TNFSF4: variants seen among roughly 807,000 people sequenced by gnomAD.
TNFSF4 encodes TNF superfamily member 4, also known as tumor necrosis factor ligand superfamily member 4.
In TNFSF4, 4 loss-of-function variants were observed where a neutral mutation model predicts 7.3. The observed-to-expected ratio is 0.55, with a 90% CI of 0.27 to 1.25. TNFSF4 has a LOEUF of 1.25. Ranked by LOEUF, TNFSF4 falls within the 50% of genes most tolerant of loss-of-function variation. The pLI is 0.12. For missense variants in TNFSF4, 181 were observed against 208.8 expected (o/e 0.87, Z 0.82); for synonymous variants, 76 against 83.7 (o/e 0.91, Z 0.50).
At chr1:173,178,110 A>G in the TNFSF4 span, among the ~76,000 whole-genome samples, 1 of 152,166 alleles carries the variant, frequency 6.6e-6, no homozygotes, top group Admixed American at 6.5e-5. Flanking sequence ...TATACCCATT[A>G]TATATCATAA....
At chr1:173,209,989 C>T (rs1352693332), upstream of TNFSF4, among the ~76,000 whole-genome samples, 1 of 151,792 alleles carries the variant, frequency 6.6e-6, no homozygotes, top group Admixed American at 6.6e-5. Flanking sequence ...GCTTTGACCA[C>T]TCACAAGATA....
chr1:173,332,890 C>T, the TNFSF4 span, among the ~76,000 whole-genome samples: 3 of 152,138 alleles, frequency 2.0e-5, no homozygotes, highest in Non-Finnish European at 2.9e-5. Flanking sequence ...TGCACATCCA[C>T]CTGCTTTCCA....
At chr1:173,212,543 G>A in the TNFSF4 span, among the ~76,000 whole-genome samples, 5 of 151,494 alleles carry the variant, frequency 3.3e-5, no homozygotes, top group African/African-American at 1.2e-4. Flanking sequence ...CTATTTCACG[G>A]GGAGGAGGGA....
chr1:173,337,120 G>A, the TNFSF4 span, among the ~76,000 whole-genome samples: 4 of 152,174 alleles, frequency 2.6e-5, no homozygotes, highest in Non-Finnish European at 4.4e-5. Flanking sequence ...TGACAGATAG[G>A]AATCCTGTTT....
the TNFSF4 span, among the ~76,000 whole-genome samples, chr1:173,424,488 CTA>C: frequency 7.2e-5 from 11 of 152,108 alleles, no homozygotes; most frequent in Non-Finnish European, 5.9e-5. Context: ...CAATGTGATT[CTA>C]TGAGTTCTTA....
chr1:173,235,780 T>G, the TNFSF4 span, among the ~76,000 whole-genome samples: 2 of 152,212 alleles, frequency 1.3e-5, no homozygotes, highest in Non-Finnish European at 2.9e-5. Context: ...CAACGTGAGA[T>G]CTCAACAAAT....
the TNFSF4 span, among the ~76,000 whole-genome samples, chr1:173,214,609 C>T: frequency 6.6e-6 from 1 of 152,206 alleles, no homozygotes; most frequent in Non-Finnish European, 1.5e-5. Context: ...AAAAATGTCT[C>T]ATAATGTTTT....
the TNFSF4 span, among the ~76,000 whole-genome samples, chr1:173,254,343 CA>C: frequency 1.3e-5 from 2 of 151,948 alleles, no homozygotes; most frequent in East Asian, 3.9e-4. Context: ...AACAAGGAAA[CA>C]AAATAGTAGG....
the TNFSF4 span, among the ~76,000 whole-genome samples, chr1:173,267,185 G>C: frequency 6.6e-6 from 1 of 152,074 alleles, no homozygotes; most frequent in African/African-American, 2.4e-5. Flanking sequence ...AATAGAGCTT[G>C]GGCTTAACCT....
At chr1:173,277,057 G>T in the TNFSF4 span, among the ~76,000 whole-genome samples, 2 of 152,124 alleles carry the variant, frequency 1.3e-5, no homozygotes, top group African/African-American at 2.4e-5. Flanking sequence ...CCAGGTGTCT[G>T]TAAGGCCAGC....
At chr1:173,277,091 G>A in the TNFSF4 span, among the ~76,000 whole-genome samples, 1 of 152,116 alleles carries the variant, frequency 6.6e-6, no homozygotes, top group Non-Finnish European at 1.5e-5. Context: ...CCTTCTCTTT[G>A]AACCCATTCA....
At chr1:173,267,801 G>T in the TNFSF4 span, among the ~76,000 whole-genome samples, 1 of 151,900 alleles carries the variant, frequency 6.6e-6, no homozygotes, top group African/African-American at 2.4e-5. Flanking sequence ...AGAGGAGGTG[G>T]ATGGAGGGAA....
the TNFSF4 span, among the ~76,000 whole-genome samples, chr1:173,257,783 C>T: frequency 1.3e-5 from 2 of 152,120 alleles, no homozygotes; most frequent in South Asian, 4.1e-4. Flanking sequence ...GAGAGGCTCA[C>T]CCAAGCTTTG....
the TNFSF4 span, among the ~76,000 whole-genome samples, chr1:173,255,665 A>T: frequency 6.6e-6 from 1 of 152,254 alleles, no homozygotes; most frequent in Non-Finnish European, 1.5e-5. Flanking sequence ...TTAGACACAT[A>T]CTAGCACAGC....
the TNFSF4 span, among the ~76,000 whole-genome samples, chr1:173,346,864 G>C: frequency 6.6e-6 from 1 of 151,996 alleles, no homozygotes; most frequent in Admixed American, 6.6e-5. Flanking sequence ...TAAAGAAATT[G>C]CAAAAACAGA....
At chr1:173,407,147 G>C in the TNFSF4 span, among the ~76,000 whole-genome samples, 7 of 149,682 alleles carry the variant, frequency 4.7e-5, no homozygotes, top group Admixed American at 2.0e-4. Flanking sequence ...CGGGAGGGGA[G>C]AAAAGCAGAC....
the TNFSF4 span, among the ~76,000 whole-genome samples, chr1:173,337,981 C>A: frequency 6.6e-6 from 1 of 152,134 alleles, no homozygotes; most frequent in African/African-American, 2.4e-5. Context: ...CCCTCTCCAG[C>A]CACTCCTGTC....
At chr1:173,443,276 G>A in the TNFSF4 span, among the ~76,000 whole-genome samples, 1 of 152,042 alleles carries the variant, frequency 6.6e-6, no homozygotes, top group Non-Finnish European at 1.5e-5. Flanking sequence ...TTTTTTAAAG[G>A]AGAAAAATAC....
the TNFSF4 span, among the ~76,000 whole-genome samples, chr1:173,361,916 G>T: frequency 3.3e-5 from 5 of 152,172 alleles, no homozygotes; most frequent in Non-Finnish European, 5.9e-5. Flanking sequence ...AGGTAGCCAT[G>T]ACAATTCATG....
Sources: gnomAD v4.1 joint callset for allele counts (sites outside exome capture counted in the v4.1 genomes callset) on GRCh38, gnomAD v4.1.1 for gene constraint, MANE v1.5 for transcripts, NCBI Gene and HGNC (gene_info 2026-07-23, HGNC 2026-07-21) for gene names.